The following ENTREP2 variants were observed in gnomAD, a reference collection of about 807,000 sequenced individuals.
ENTREP2 encodes the protein endosomal transmembrane epsin interactor 2.
At chr15:29,671,933 C>G in the ENTREP2 span, among the ~76,000 whole-genome samples, 1 of 152,204 alleles carries the variant, frequency 6.6e-6, no homozygotes, top group Non-Finnish European at 1.5e-5. Flanking sequence ...GTGGGCACAG[C>G]TGGCTGCCAT....
chr15:29,213,071 T>G, the ENTREP2 span, among the ~76,000 whole-genome samples: 1 of 152,240 alleles, frequency 6.6e-6, no homozygotes, highest in Non-Finnish European at 1.5e-5. Flanking sequence ...TTCTTGTTTT[T>G]GTCAGGTTTG....
chr15:29,182,033 G>A, the ENTREP2 span, among the ~76,000 whole-genome samples: 480 of 151,944 alleles, frequency 3.2e-3, 2 homozygotes, highest in African/African-American at 0.011. Context: ...CAAAACTGTC[G>A]TTATTCCCAG....
chr15:29,540,972 T>C, the ENTREP2 span, among the ~76,000 whole-genome samples: 1 of 152,226 alleles, frequency 6.6e-6, no homozygotes. Flanking sequence ...TCTGTGGAAA[T>C]GAGGGAAATA....
chr15:29,230,561 A>G, the ENTREP2 span, among the ~76,000 whole-genome samples: 1 of 152,224 alleles, frequency 6.6e-6, no homozygotes, highest in African/African-American at 2.4e-5. Flanking sequence ...AAAGGAAGAA[A>G]AAGAGGAGAC....
the ENTREP2 span, chr15:29,234,152 C>T: frequency 6.4e-6 from 10 of 1,572,472 alleles, no homozygotes; most frequent in South Asian, 1.1e-5. Flanking sequence ...ATGTCATTCT[C>T]GTTCACTCTC....
chr15:29,349,993 T>C, the ENTREP2 span, among the ~76,000 whole-genome samples: 2 of 152,202 alleles, frequency 1.3e-5, no homozygotes, highest in African/African-American at 2.4e-5. Flanking sequence ...AACCATCTTA[T>C]GCCTGCCTAT....
the ENTREP2 span, among the ~76,000 whole-genome samples, chr15:29,295,893 T>C: frequency 1.3e-5 from 2 of 152,172 alleles, no homozygotes; most frequent in South Asian, 4.1e-4. Context: ...TTGCAGCCCA[T>C]GGTTGATCAA....
the ENTREP2 span, among the ~76,000 whole-genome samples, chr15:29,656,157 T>G: frequency 6.6e-6 from 1 of 152,070 alleles, no homozygotes; most frequent in Admixed American, 6.6e-5. Flanking sequence ...TAAAGAATTT[T>G]TCATATAAAC....
At chr15:29,431,667 C>G in the ENTREP2 span, among the ~76,000 whole-genome samples, 1 of 152,054 alleles carries the variant, frequency 6.6e-6, no homozygotes, top group East Asian at 1.9e-4. Flanking sequence ...ATTTTATACT[C>G]CCTGGCATCT....
the ENTREP2 span, among the ~76,000 whole-genome samples, chr15:29,224,587 T>C: frequency 6.6e-6 from 1 of 152,084 alleles, no homozygotes; most frequent in Admixed American, 6.5e-5. Flanking sequence ...ACCTCCTCAC[T>C]AGATTAGCTA....
At chr15:29,665,446 T>C in the ENTREP2 span, among the ~76,000 whole-genome samples, 1 of 152,204 alleles carries the variant, frequency 6.6e-6, no homozygotes, top group East Asian at 1.9e-4. Flanking sequence ...TCATTCATGG[T>C]GGGTAGCAGA....
chr15:29,222,286 A>G, the ENTREP2 span, among the ~76,000 whole-genome samples: 1 of 152,208 alleles, frequency 6.6e-6, no homozygotes, highest in Non-Finnish European at 1.5e-5. Context: ...CAATGTCAGG[A>G]AGTTACCCTA....
the ENTREP2 span, among the ~76,000 whole-genome samples, chr15:29,463,856 C>T: frequency 3.4e-4 from 52 of 152,038 alleles, no homozygotes; most frequent in African/African-American, 1.2e-3. Context: ...ACAGACACAC[C>T]ATGGAATATT....
the ENTREP2 span, among the ~76,000 whole-genome samples, chr15:29,336,609 C>G: frequency 9.4e-5 from 14 of 148,578 alleles, no homozygotes; most frequent in Admixed American, 4.8e-4. Context: ...CCGCGCCCAG[C>G]CTTAGTATGT....
the ENTREP2 span, among the ~76,000 whole-genome samples, chr15:29,650,038 A>C: frequency 6.6e-6 from 1 of 152,202 alleles, no homozygotes; most frequent in Non-Finnish European, 1.5e-5. Flanking sequence ...GCTATATCCC[A>C]GAGGACTTTT....
chr15:29,600,920 C>A, the ENTREP2 span, among the ~76,000 whole-genome samples: 1 of 54,166 alleles, frequency 1.8e-5, no homozygotes, highest in African/African-American at 2.3e-4. Flanking sequence ...TTTTTTGAGA[C>A]AGAGTCTCGC....
the ENTREP2 span, among the ~76,000 whole-genome samples, chr15:29,419,960 T>C: frequency 1.3e-5 from 2 of 151,326 alleles, no homozygotes; most frequent in Admixed American, 1.3e-4. Context: ...GACGAAGAAA[T>C]GAAGATTGAT....
At chr15:29,444,210 G>GAAAGAAAGAAAGAAAGAAAGAAAGA in the ENTREP2 span, among the ~76,000 whole-genome samples, 9 of 146,022 alleles carry the variant, frequency 6.2e-5, no homozygotes, top group African/African-American at 2.1e-4. Flanking sequence ...AAGAAAGAAA[G>GAAAGAAAGAAAGAAAGAAAGAAAGA]AAAGAAAGAA....
chr15:29,127,251 G>C, the ENTREP2 span, among the ~76,000 whole-genome samples: 1 of 152,252 alleles, frequency 6.6e-6, no homozygotes, highest in East Asian at 1.9e-4. Context: ...GGGTGTGCAT[G>C]CATGTGACAG....
Sources: allele counts gnomAD v4.1 joint callset (sites outside exome capture counted in the v4.1 genomes callset), GRCh38; gene constraint gnomAD v4.1.1; transcripts MANE v1.5; gene names NCBI Gene and HGNC (gene_info 2026-07-23, HGNC 2026-07-21).